UBE2J2: variants seen among roughly 807,000 people sequenced by gnomAD.
UBE2J2 encodes the protein ubiquitin conjugating enzyme E2 J2, also known as ubiquitin-conjugating enzyme E2 J2.
In UBE2J2, 5 loss-of-function variants were observed where a neutral mutation model predicts 28.6. That is an observed-to-expected ratio of 0.17 (90% CI 0.09 to 0.37). The LOEUF (loss-of-function observed/expected upper bound fraction) is 0.37. Ranked by LOEUF, UBE2J2 falls within the 10% of genes least tolerant of loss-of-function variation. The pLI is 1.00. For synonymous variants in UBE2J2, 138 were observed against 139.7 expected (o/e 0.99, Z 0.09); for missense variants, 226 against 338.9 (o/e 0.67, Z 2.62).
chr1:1,265,660 A>C (rs1639819230), intron 2 of UBE2J2, among the ~76,000 whole-genome samples: 1 of 107,552 alleles, frequency 9.3e-6, no homozygotes. Flanking sequence ...GTGGAGTCTC[A>C]CTCTGTCGCC....
chr1:1,266,256 C>A, intron 2 of UBE2J2: 1 of 1,023,630 alleles, frequency 9.8e-7, no homozygotes, highest in Non-Finnish European at 1.3e-6. Context: ...CAAGCCGAAA[C>A]ACATTTCCTT....
rs572492190 is a variant in UBE2J2, at chr1:1,261,107, A to C, written c.172+2239T>G. ...GCAGCATCAGATACCAGAGGCTAAG[A>C]AACTGAGGACTGAGAACAGCCCCTC... On this transcript the variant is annotated intron_variant, in intron 3 of 6. Coordinates refer to ENST00000349431, the MANE Select transcript of UBE2J2 (RefSeq NM_058167.3). Among the ~76,000 whole-genome samples the C allele has an allele frequency of 1.2e-4, 18 of 152,346 alleles. No homozygotes were observed. In the South Asian group the frequency reaches 3.7e-3, roughly 32 times the overall value.
At chr1:1,266,275 C>T (rs1234679195) in intron 2 of UBE2J2, 2 of 875,210 alleles carry the variant, frequency 2.3e-6, no homozygotes, top group Non-Finnish European at 3.0e-6. Flanking sequence ...TTTCAACTCA[C>T]TGAAATATCT....
Position 1,254,329 on chromosome 1 carries a change from G to A in UBE2J2, c.*874C>T, listed in dbSNP as rs1639061632. ...GGCCAGCGCAGGGGGCACGGGATGT[G>A]AGGGAGGCCCCCGAGTGCACGGGGC... On this transcript the variant is annotated 3_prime_UTR_variant, in exon 7 of 7. Coordinates refer to ENST00000349431, the MANE Select transcript of UBE2J2 (RefSeq NM_058167.3). 1 of 152,294 alleles carries A rather than the reference G, an allele frequency of 6.6e-6. No individual in the cohort carries two copies. Among genetic ancestry groups the A allele is most frequent in the Admixed American group, 6.5e-5 (1 of 15,290 alleles). The allele number at this position is 152,294 out of a possible 1,614,324, so 9.4% of individuals were successfully genotyped here. A position where few individuals can be genotyped will look rare whatever the true frequency, so the allele number is the denominator to read the frequency against.
Position 1,267,974 on chromosome 1 carries a change from T to C in UBE2J2, c.19A>G (p.Lys7Glu). 1 of 1,614,014 alleles carries C rather than the reference T, an allele frequency of 6.2e-7. No individual in the cohort carries two copies. The highest frequency in any genetic ancestry group is 8.5e-7 in the Non-Finnish European group (1 of 1,179,970). ...TGGGTTGCCGTGGTCGGAGCCCTCT[T>C]ACTGCTGGTGCTGCTCATCTGTTAA... MSSTSS[K>E]RAPTTATQRL... The change falls in exon 2 of 7, where the codon AAG (lysine) becomes GAG (glutamate). Residue 7 changes from lysine to glutamate, a missense_variant. By Grantham distance (56) the Lys-to-Glu change is moderately conservative. This residue lies in a region of UBE2J2 where 80 missense variants were observed against 114.5 expected (regional missense o/e 0.70). Transcript: ENST00000349431.
intron 2 of UBE2J2, chr1:1,266,234 T>G: frequency 8.4e-7 from 1 of 1,185,318 alleles, no homozygotes. Flanking sequence ...CCAGAGAAGG[T>G]GGACCCCTGA....
chr1:1,269,985 G>A (rs1052741960), intron 1 of UBE2J2, among the ~76,000 whole-genome samples: 2 of 152,118 alleles, frequency 1.3e-5, no homozygotes, highest in African/African-American at 2.4e-5. Flanking sequence ...GGAGGTGACT[G>A]GATCATGGGA....
intron 3 of UBE2J2, among the ~76,000 whole-genome samples, chr1:1,259,199 ATG>A (rs778800358): frequency 2.8e-5 from 4 of 141,058 alleles, no homozygotes; most frequent in Admixed American, 2.1e-4. Flanking sequence ...ACTTGTGTGC[ATG>A]TGTGTGTGTA....
At position 1,273,816 on chromosome 1, in the gene UBE2J2, CGCCTCA is replaced by C. The variant is rs1256554705; in HGVS notation, c.-157_-152del. The C allele has an allele frequency of 2.6e-5, 4 of 153,826 alleles. No individual in the cohort carries two copies. Among genetic ancestry groups the C allele is most frequent in the Non-Finnish European group, 4.4e-5 (3 of 68,682 alleles). The allele number at this position is 153,826 out of a possible 1,614,324, so 9.5% of individuals were successfully genotyped here. On this transcript the variant is annotated 5_prime_UTR_variant, in exon 1 of 7. Transcript: ENST00000349431. The stretch of plus-strand genomic sequence containing the variant: ...GAACCCGCCGCAGCGCCGCCGCCGC[CGCCTCA>C]GCCTCCAAGATGGCCGCTCGCGGGG...
intron 3 of UBE2J2, among the ~76,000 whole-genome samples, chr1:1,261,566 T>C (rs1223819550): frequency 6.6e-6 from 1 of 152,152 alleles, no homozygotes; most frequent in Non-Finnish European, 1.5e-5. Context: ...TCACTATTTA[T>C]TTTTAAAAAA....
At chr1:1,263,318 G>T in intron 3 of UBE2J2, 28 bp downstream of exon 3, 1 of 1,606,924 alleles carries the variant, frequency 6.2e-7, no homozygotes, top group Non-Finnish European at 8.5e-7. Flanking sequence ...ACCGCCTGGT[G>T]TTCTTCTCCT....
At chr1:1,256,931 C>G (rs1159740586) in intron 5 of UBE2J2, 61 bp downstream of exon 5, 58 of 1,011,004 alleles carry the variant, frequency 5.7e-5, no homozygotes, top group African/African-American at 3.5e-5. Flanking sequence ...AACTCAGGAA[C>G]AGAGAACAGC....
intron 1 of UBE2J2, chr1:1,271,728 A>G (rs2100258063): frequency 6.6e-6 from 1 of 152,214 alleles, no homozygotes; most frequent in East Asian, 1.9e-4. Flanking sequence ...TAATCCCAAC[A>G]CTTTGGGAGG....
intron 5 of UBE2J2, among the ~76,000 whole-genome samples, 180 bp downstream of exon 5, chr1:1,256,812 G>A (rs990788712): frequency 7.3e-5 from 11 of 151,400 alleles, no homozygotes; most frequent in Admixed American, 6.6e-5. Context: ...CGTGAACCCC[G>A]GGGGGCGGAG....
rs1639231961 is a variant in UBE2J2 at position 1,257,144 on chromosome 1, G to A, written c.276-14C>T. On this transcript the variant is annotated splice_polypyrimidine_tract_variant and intron_variant, in intron 4 of 6. Transcript: ENST00000349431. ...GAAAGACACAGCCTGCAAAACGGGG[G>A]CCCCGTCAGTGCACACTCCCCACCG... The A allele has an allele frequency of 6.2e-7, 1 of 1,608,934 alleles. No homozygotes were observed. Among genetic ancestry groups the A allele is most frequent in the Non-Finnish European group, 8.5e-7 (1 of 1,177,122 alleles).
chr1:1,266,232 G>C, intron 2 of UBE2J2: 1 of 1,191,904 alleles, frequency 8.4e-7, no homozygotes, highest in South Asian at 1.4e-5. Context: ...AGCCAGAGAA[G>C]GTGGACCCCT....
intron 3 of UBE2J2, among the ~76,000 whole-genome samples, chr1:1,258,607 G>A (rs962430365): frequency 1.3e-5 from 2 of 152,124 alleles, no homozygotes; most frequent in Admixed American, 6.6e-5. Flanking sequence ...CACGGGCCCT[G>A]TGCACACTCC....
At chr1:1,263,156 C>T in intron 3 of UBE2J2, 190 bp downstream of exon 3, 4 of 618,158 alleles carry the variant, frequency 6.5e-6, no homozygotes, top group South Asian at 1.8e-5. Flanking sequence ...CAGGCTGAGA[C>T]ACATCAGCAG....
intron 3 of UBE2J2, 44 bp from the exon 4 acceptor site, chr1:1,257,354 C>A: frequency 7.8e-7 from 1 of 1,284,278 alleles, no homozygotes; most frequent in Non-Finnish European, 1.1e-6. Context: ...TCCGCCACAG[C>A]AGGGGCTCCT....
Sources: gnomAD v4.1 joint callset for allele counts (sites outside exome capture counted in the v4.1 genomes callset) on GRCh38, gnomAD v4.1.1 for gene constraint, gnomAD v4.1.1 regional missense constraint, MANE v1.5 for transcripts, NCBI Gene and HGNC (gene_info 2026-07-23, HGNC 2026-07-21) for gene names.